The following ING1 variants were observed in gnomAD, a reference collection of about 807,000 sequenced individuals.
The protein encoded by ING1 is inhibitor of growth protein 1.
ING1 carries 4 observed loss-of-function variants against 23.1 expected under a neutral mutation model. The observed-to-expected ratio is 0.17, with a 90% confidence interval of 0.09 to 0.40. The LOEUF is 0.40. Ranked by LOEUF, ING1 falls within the 10% of genes least tolerant of loss-of-function variation. ING1 has a pLI of 1.00. For missense variants in ING1, 256 were observed against 393.8 expected, an observed-to-expected ratio of 0.65 and a Z score of 2.96; for synonymous variants, 179 against 166.4, an observed-to-expected ratio of 1.08 and a Z score of -0.58.
At position 110,720,512 on chromosome 13, in the gene ING1, C is replaced by T. The variant is rs1408396579; in HGVS notation, c.*580C>T. The T allele has an allele frequency of 6.0e-6, 1 of 167,066 alleles. No individual in the cohort carries two copies. The highest frequency in any genetic ancestry group is 1.5e-5 in the Non-Finnish European group (1 of 68,132). 10.3% of individuals were successfully genotyped at this position (167,066 alleles called of 1,614,324 possible). A position where few individuals can be genotyped will look rare whatever the true frequency, so the allele number is the denominator to read the frequency against. Reference sequence around the variant, plus strand: ...ATGGCCATTTTAAAATGCTTGGGTACACTTCTCTTAAGTGGTCTAGTCAAG... The same window carrying T: ...ATGGCCATTTTAAAATGCTTGGGTATACTTCTCTTAAGTGGTCTAGTCAAG... On this transcript the variant is annotated 3_prime_UTR_variant, in exon 2 of 2. Coordinates refer to ENST00000333219, the MANE Select transcript of ING1 (RefSeq NM_198219.3).
intron 1 of ING1, chr13:110,715,908 C>T: frequency 1.3e-6 from 2 of 1,578,550 alleles, no homozygotes; most frequent in Non-Finnish European, 1.7e-6. Context: ...GCCGGGGCTG[C>T]AGTTCGGACC....
chr13:110,719,257 C>T lies in ING1; in HGVS notation c.165C>T (p.Tyr55=), dbSNP rs34192103. 1,484 of 1,613,080 alleles carry T rather than the reference C, an allele frequency of 9.2e-4. 11 individuals are homozygous for T. In the African/African-American group the frequency reaches 0.018, roughly 19 times the overall value. The change falls in exon 2 of 2, where the codon TAC becomes TAT. Residue 55 remains tyrosine (Y), a synonymous_variant. Coordinates refer to ENST00000333219, the MANE Select transcript of ING1 (RefSeq NM_198219.3). The surrounding 1 kb of genome is among the most constrained non-coding windows in gnomAD (Gnocchi z 8.9). The part of the protein sequence containing the change: ...QEILKELDEC[Y]ERFSRETDGA... ...TCCTGAAGGAGCTAGACGAGTGCTA[C>T]GAGCGCTTCAGTCGCGAGACAGACG... is the stretch of plus-strand genomic sequence containing the variant.
At chr13:110,714,935 C>A in intron 1 of ING1, 1 of 965,916 alleles carries the variant, frequency 1.0e-6, no homozygotes, top group Non-Finnish European at 1.2e-6. Flanking sequence ...TTGCGGAGGA[C>A]GAGGGCTTTT....
intron 1 of ING1, among the ~76,000 whole-genome samples, chr13:110,718,360 G>A (rs2064141454): frequency 6.6e-6 from 1 of 152,222 alleles, no homozygotes; most frequent in Admixed American, 6.5e-5. Flanking sequence ...AGGCTGCAGT[G>A]AGCCGAGATT....
chr13:110,718,776 TATA>T (rs1336055313), intron 1 of ING1, among the ~76,000 whole-genome samples: 2 of 152,100 alleles, frequency 1.3e-5, no homozygotes, highest in African/African-American at 4.8e-5. Context: ...ACCATGTTTA[TATA>T]ATGTTATATG....
intron 1 of ING1, chr13:110,715,840 G>C: frequency 6.3e-7 from 1 of 1,590,888 alleles, no homozygotes; most frequent in South Asian, 1.1e-5. Flanking sequence ...GCTCAGCCCG[G>C]CCACTTTCGG....
chr13:110,713,279 C>G, upstream of ING1: 1 of 1,277,580 alleles, frequency 7.8e-7, no homozygotes, highest in East Asian at 3.2e-5. Context: ...GGCTGAGGAG[C>G]GAGTTGCGGT....
In ING1 at chr13:110,719,460, C is replaced by A. The variant is rs757577374; in HGVS notation, c.368C>A (p.Ala123Glu). Reference sequence around the variant, plus strand: ...GCGCAGCAGGAGCTGGGCGACACAGCGGGCAACAGCGGCAAGGCTGGCGCG... The same window carrying A: ...GCGCAGCAGGAGCTGGGCGACACAGAGGGCAACAGCGGCAAGGCTGGCGCG... ...FEAQQELGDT[A>E]GNSGKAGADR... The change falls in exon 2 of 2, where the codon GCG becomes GAG. Residue 123 changes from alanine to glutamate, a missense_variant. Physicochemically the swap from Ala to Glu is moderately radical, Grantham distance 107. Around this residue, in one of 3 missense-constraint regions of ING1, gnomAD observed 209 missense variants for 273.8 expected, o/e 0.76. Transcript: ENST00000333219. This position sits in a 1 kb window ranked among gnomAD's most constrained non-coding sequence, Gnocchi z 8.9. 2 of 1,612,462 alleles carry A rather than the reference C, an allele frequency of 1.2e-6. No individual in the cohort carries two copies.
rs995043319 is a variant in ING1, at chr13:110,713,776, C to T, written c.-374C>T. 143 of 984,910 alleles carry T rather than the reference C, an allele frequency of 1.5e-4. No homozygotes were observed. Among genetic ancestry groups the T allele is most frequent in the Non-Finnish European group, 1.7e-4 (141 of 829,812 alleles). The allele number at this position is 984,910 out of a possible 1,614,324, so 61.0% of individuals were successfully genotyped here. ...TTCCCGCTGCCCGCTCCGCTCCTCTCTTCTACCCAGCCCAGTGGGCGAGTG... is the reference window on the plus strand; with the variant it reads ...TTCCCGCTGCCCGCTCCGCTCCTCTTTTCTACCCAGCCCAGTGGGCGAGTG... On this transcript the variant is annotated 5_prime_UTR_variant, in exon 1 of 2. Coordinates refer to ENST00000333219, the MANE Select transcript of ING1 (RefSeq NM_198219.3).
At position 110,714,100 on chromosome 13, in the gene ING1, G is replaced by A. The variant is rs757721902; in HGVS notation, c.-50G>A. 5 of 1,495,624 alleles carry A rather than the reference G, an allele frequency of 3.3e-6. No individual in the cohort carries two copies. 92.6% of individuals were successfully genotyped at this position (1,495,624 alleles called of 1,614,324 possible). A position where few individuals can be genotyped will look rare whatever the true frequency, so the allele number is the denominator to read the frequency against. On this transcript the variant is annotated 5_prime_UTR_variant, in exon 1 of 2. Transcript: ENST00000333219. ...CTATTTTTTGAGGGGGGCGGGGGGT[G>A]GAGGAAGCGGAAAGCCGCGCCGAGT... is the stretch of plus-strand genomic sequence containing the variant.
intron 1 of ING1, chr13:110,715,327 T>G (rs1594452685): frequency 2.1e-6 from 3 of 1,444,758 alleles, no homozygotes; most frequent in Non-Finnish European, 2.7e-6. Context: ...TAGACGCCTC[T>G]GCCGGGAAGG....
chr13:110,713,242 T>C (rs1441042), upstream of ING1: 3 of 1,377,842 alleles, frequency 2.2e-6, no homozygotes, highest in Admixed American at 6.2e-5. Flanking sequence ...CTTATACTGC[T>C]CTGTGGGGCG....
In ING1 at chr13:110,714,185, G is replaced by A; in HGVS notation, c.36G>A (p.Leu12=). The change falls in exon 1 of 2, where the codon CTG becomes CTA. Residue 12 remains leucine, a synonymous_variant. Transcript: ENST00000333219. The part of the protein sequence containing the change: ...LSPANGEQLH[L]VNYVEDYLDS... ...CTGCCAACGGGGAGCAGCTCCACCTGGTGAACTATGTGGAGGACTACCTGG... is the reference window on the plus strand; with the variant it reads ...CTGCCAACGGGGAGCAGCTCCACCTAGTGAACTATGTGGAGGACTACCTGG... 1 of 1,560,784 alleles carries A rather than the reference G, an allele frequency of 6.4e-7. No homozygotes were observed. Among genetic ancestry groups the A allele is most frequent in the Non-Finnish European group, 8.7e-7 (1 of 1,155,086 alleles).
rs1205201835 is a variant in ING1 at position 110,722,041 on chromosome 13, T to G, written c.*2109T>G. The stretch of plus-strand genomic sequence containing the variant: ...TAAGTAAAACATTAAGTTTGCTGAT[T>G]GTTTACTTGTGATAAACAATTATTG... On this transcript the variant is annotated 3_prime_UTR_variant, in exon 2 of 2. Transcript: ENST00000333219. The G allele has an allele frequency of 9.2e-5, 14 of 152,246 alleles. No individual in the cohort carries two copies. Among genetic ancestry groups the G allele is most frequent in the Non-Finnish European group, 8.8e-5 (6 of 68,044 alleles). The allele number at this position is 152,246 out of a possible 1,614,324, so 9.4% of individuals were successfully genotyped here.
upstream of ING1, chr13:110,713,425 G>A (rs2064062462): frequency 1.0e-6 from 1 of 1,003,796 alleles, no homozygotes; most frequent in Non-Finnish European, 1.2e-6. Context: ...CTGCCTCCAA[G>A]TGCCAAAAAC....
chr13:110,715,790 G>A (rs773189578), intron 1 of ING1: 1 of 1,591,510 alleles, frequency 6.3e-7, no homozygotes, highest in Non-Finnish European at 8.5e-7. Context: ...CCTCCCCATT[G>A]GCTGGAGGCC....
At chr13:110,715,806 G>C in intron 1 of ING1, 1 of 1,586,092 alleles carries the variant, frequency 6.3e-7, no homozygotes, top group Non-Finnish European at 8.5e-7. Flanking sequence ...AGGCCTGGCG[G>C]GTGTCGCCCC....
chr13:110,714,259 T>G lies in ING1; in HGVS notation c.110T>G (p.Met37Arg). The G allele has an allele frequency of 6.4e-7, 1 of 1,572,486 alleles. No individual in the cohort carries two copies. The highest frequency in any genetic ancestry group is 8.6e-7 in the Non-Finnish European group (1 of 1,160,968). Residue 37 changes from methionine (M) to arginine (R), a missense_variant, in exon 1 of 2, where the codon ATG becomes AGG. Coordinates refer to ENST00000333219, the MANE Select transcript of ING1 (RefSeq NM_198219.3). ...PFDLQRNVSLMREIDAKYQEI... is the reference protein window; with the variant it reads ...PFDLQRNVSLRREIDAKYQEI... ...GACTTGCAGAGAAATGTCTCGCTGATGCGGGAGATCGACGCGAAATACCAA... is the reference window on the plus strand; with the variant it reads ...GACTTGCAGAGAAATGTCTCGCTGAGGCGGGAGATCGACGCGAAATACCAA...
upstream of ING1, chr13:110,713,061 G>A: frequency 6.9e-7 from 1 of 1,459,486 alleles, no homozygotes; most frequent in Non-Finnish European, 9.1e-7. Flanking sequence ...TTCCGCCCGT[G>A]CCCGGCCCTC....
Sources: allele counts gnomAD v4.1 joint callset (sites outside exome capture counted in the v4.1 genomes callset), GRCh38; gene constraint gnomAD v4.1.1; regional missense constraint gnomAD v4.1.1; non-coding constraint Gnocchi (gnomAD v3.1); transcripts MANE v1.5; gene names NCBI Gene and HGNC (gene_info 2026-07-23, HGNC 2026-07-21).